Variants in CRMP1 observed in about 807,000 individuals in gnomAD.
CRMP1 encodes collapsin response mediator protein 1.
CRMP1 carries 19 observed loss-of-function variants against 68.3 expected under a neutral mutation model. The observed-to-expected ratio is 0.28, with a 90% CI of 0.19 to 0.41. The LOEUF is 0.41. CRMP1 is among the 10% of genes least tolerant of loss of function. The pLI is 1.00. For synonymous variants in CRMP1, 439 were observed against 399.6 expected (o/e 1.10, Z -1.18); for missense variants, 791 against 967.4 (o/e 0.82, Z 2.42).
Position 5,883,682 on chromosome 4 carries a change from G to A in CRMP1, c.381+8907C>T, listed in dbSNP as rs1432348300. Among the ~76,000 whole-genome samples, 1 of 89,828 alleles carries A rather than the reference G, an allele frequency of 1.1e-5. No homozygotes were observed. Among genetic ancestry groups the A allele is most frequent in the Admixed American group, 1.0e-4 (1 of 9,950 alleles). The allele number at this position is 89,828 out of a possible 152,430, so 58.9% of individuals were successfully genotyped here. A position where few individuals can be genotyped will look rare whatever the true frequency, so the allele number is the denominator to read the frequency against. ...CACACACACACACACACACACACAT[G>A]CTTGCCCACCACACCTGCTGGTTAG... On this transcript the variant is annotated intron_variant, in intron 1 of 13. Coordinates refer to ENST00000324989, the MANE Select transcript of CRMP1 (RefSeq NM_001014809.3). This position sits in a 1 kb window ranked among gnomAD's most constrained non-coding sequence, Gnocchi z 4.5.
rs1714517688 is a variant in CRMP1, at chr4:5,872,357, G to C, written c.382-5601C>G. Among the ~76,000 whole-genome samples the C allele has an allele frequency of 6.6e-6, 1 of 152,196 alleles. No individual in the cohort carries two copies. Among genetic ancestry groups the C allele is most frequent in the African/African-American group, 2.4e-5 (1 of 41,444 alleles). The stretch of plus-strand genomic sequence containing the variant: ...GGGTTACTGTGAGGGGAAAACAGCA[G>C]ATGTGAACAATGGTACGCTCTGCAC... On this transcript the variant is annotated intron_variant, in intron 1 of 13. Transcript: ENST00000324989. This position sits in a 1 kb window ranked among gnomAD's most constrained non-coding sequence, Gnocchi z 4.6.
At chr4:5,851,597 G>A (rs79617626) in intron 4 of CRMP1, 128 bp from the exon 5 acceptor site, 92,281 of 880,142 alleles carry the variant, frequency 0.1, 5,378 homozygotes, top group East Asian at 0.19. Flanking sequence ...GGGATCCCCA[G>A]TGGGGCACCT....
chr4:5,860,992 CTA>C lies in CRMP1; in HGVS notation c.655+32_655+33del, dbSNP rs1273704906. The C allele has an allele frequency of 1.1e-5, 18 of 1,605,578 alleles. No homozygotes were observed. The highest frequency in any genetic ancestry group is 1.4e-5 in the Non-Finnish European group (17 of 1,175,548). On this transcript the variant is annotated intron_variant, in intron 3 of 13. Coordinates refer to ENST00000324989, the MANE Select transcript of CRMP1 (RefSeq NM_001014809.3). The surrounding 1 kb of genome is among the most constrained non-coding windows in gnomAD (Gnocchi z 4.2). ...GGTGATGGGGAGGAGACCTCACAGT[CTA>C]TGTCCCTAAGGCAGGGGACAGTGTC... is the stretch of plus-strand genomic sequence containing the variant.
At chr4:5,874,825 T>C (rs1398301160) in intron 1 of CRMP1, among the ~76,000 whole-genome samples, 4 of 152,130 alleles carry the variant, frequency 2.6e-5, no homozygotes, top group Non-Finnish European at 5.9e-5. Flanking sequence ...AAATCTCTCT[T>C]TTCTGCTTTT....
At position 5,843,078 on chromosome 4, in the gene CRMP1, T is replaced by G; in HGVS notation, c.1032+15A>C. The G allele has an allele frequency of 6.2e-7, 1 of 1,613,172 alleles. No individual in the cohort carries two copies. The highest frequency in any genetic ancestry group is 8.5e-7 in the Non-Finnish European group (1 of 1,179,364). On this transcript the variant is annotated intron_variant, in intron 7 of 13. Coordinates refer to ENST00000324989, the MANE Select transcript of CRMP1 (RefSeq NM_001014809.3). This position sits in a 1 kb window ranked among gnomAD's most constrained non-coding sequence, Gnocchi z 4.1. ...GGTGAGTGTCAGAGTCATGCCCAAGTTGAGGAGTCCTTACCTCTTCAGGTC... is the reference window on the plus strand; with the variant it reads ...GGTGAGTGTCAGAGTCATGCCCAAGGTGAGGAGTCCTTACCTCTTCAGGTC...
At chr4:5,851,842 A>G (rs1421628491) in intron 4 of CRMP1, among the ~76,000 whole-genome samples, 1 of 146,768 alleles carries the variant, frequency 6.8e-6, no homozygotes, top group African/African-American at 2.5e-5. Context: ...GGAGAAGGGG[A>G]GGAGGAGGAG....
rs902496664 is a variant in CRMP1, at chr4:5,829,318, G to A, written c.1624-650C>T. Among the ~76,000 whole-genome samples the A allele has an allele frequency of 6.6e-5, 10 of 152,152 alleles. No individual in the cohort carries two copies. In the South Asian group the frequency reaches 1.9e-3, roughly 28 times the overall value. On this transcript the variant is annotated intron_variant, in intron 11 of 13. Coordinates refer to ENST00000324989, the MANE Select transcript of CRMP1 (RefSeq NM_001014809.3). ...GTATGAGAACTGCTTGAATCTGGGA[G>A]GTGGAGGTTGCAGTGAGCCGAGATC...
In CRMP1 at chr4:5,849,267, A is replaced by G. The variant is rs141183609; in HGVS notation, c.963+125T>C. On this transcript the variant is annotated intron_variant, in intron 6 of 13. Coordinates refer to ENST00000324989, the MANE Select transcript of CRMP1 (RefSeq NM_001014809.3). The stretch of plus-strand genomic sequence containing the variant: ...ATTCATATCTGATGTGTCTGATATG[A>G]CACCCAGTTCCTGGCTTGACCTTTC... The G allele has an allele frequency of 2.6e-4, 188 of 734,500 alleles. No homozygotes were observed. In the African/African-American group the frequency reaches 2.6e-3, roughly 10 times the overall value. The allele number at this position is 734,500 out of a possible 1,614,324, so 45.5% of individuals were successfully genotyped here.
Position 5,879,371 on chromosome 4 carries a change from A to G in CRMP1, c.382-12615T>C, listed in dbSNP as rs1476074828. Among the ~76,000 whole-genome samples, 3 of 152,262 alleles carry G rather than the reference A, an allele frequency of 2.0e-5. No individual in the cohort carries two copies. The highest frequency in any genetic ancestry group is 2.4e-5 in the African/African-American group (1 of 41,542). On this transcript the variant is annotated intron_variant, in intron 1 of 13. Coordinates refer to ENST00000324989, the MANE Select transcript of CRMP1 (RefSeq NM_001014809.3). The surrounding 1 kb of genome is among the most constrained non-coding windows in gnomAD (Gnocchi z 4.2). ...GGTCACTCCTTGGAGTTCCCACAAC[A>G]TGAGGCTTGCATCTCTGGTCCAGCA... is the stretch of plus-strand genomic sequence containing the variant.
intron 1 of CRMP1, among the ~76,000 whole-genome samples, chr4:5,867,068 G>A (rs557843517): frequency 3.7e-4 from 56 of 152,238 alleles, no homozygotes; most frequent in Admixed American, 2.7e-3. Flanking sequence ...CGTTTGCCCC[G>A]AGAAATGAGT....
intron 1 of CRMP1, among the ~76,000 whole-genome samples, chr4:5,871,950 G>A (rs1455335839): frequency 1.3e-5 from 2 of 152,158 alleles, no homozygotes; most frequent in African/African-American, 2.4e-5. Flanking sequence ...ATCCCACCTC[G>A]CAGGGAAATG....
At chr4:5,830,534 G>C (rs1234186863) in intron 11 of CRMP1, among the ~76,000 whole-genome samples, 2 of 152,182 alleles carry the variant, frequency 1.3e-5, no homozygotes, top group Admixed American at 6.5e-5. Context: ...ATAGTAAATA[G>C]TAGGGCAGAG....
Position 5,860,682 on chromosome 4 carries a change from ACTTTT to A in CRMP1, c.655+339_655+343del, listed in dbSNP as rs1560508141. On this transcript the variant is annotated intron_variant, in intron 3 of 13. Transcript: ENST00000324989. This position sits in a 1 kb window ranked among gnomAD's most constrained non-coding sequence, Gnocchi z 4.2. ...ATAATCCATGTCTTCTTTACTTAAT[ACTTTT>A]CTTTAAACAAATTTTGTTTCTAAAA... is the stretch of plus-strand genomic sequence containing the variant. Among the ~76,000 whole-genome samples, 3 of 150,968 alleles carry A rather than the reference ACTTTT, an allele frequency of 2.0e-5. No homozygotes were observed. The highest frequency in any genetic ancestry group is 1.5e-5 in the Non-Finnish European group (1 of 67,762).
Position 5,834,131 on chromosome 4 carries a change from A to G in CRMP1, c.1623+1784T>C, listed in dbSNP as rs1014611502. The stretch of plus-strand genomic sequence containing the variant: ...GTCCGCCGACCTTTGACTGGCTGAC[A>G]CAGACATTCACGTTCCTTTCTAGAT... On this transcript the variant is annotated intron_variant, in intron 11 of 13. Coordinates refer to ENST00000324989, the MANE Select transcript of CRMP1 (RefSeq NM_001014809.3). The surrounding 1 kb of genome is among the most constrained non-coding windows in gnomAD (Gnocchi z 4.3). Among the ~76,000 whole-genome samples the G allele has an allele frequency of 2.4e-4, 36 of 152,350 alleles. No homozygotes were observed. Among genetic ancestry groups the G allele is most frequent in the South Asian group, 6.2e-4 (3 of 4,832 alleles).
rs143304363 is a variant in CRMP1 at position 5,892,859 on chromosome 4, G to C, written c.111C>G (p.Ala37=). Residue 37 remains alanine, a synonymous_variant, in exon 1 of 14, where the codon GCC becomes GCG. Coordinates refer to ENST00000324989, the MANE Select transcript of CRMP1 (RefSeq NM_001014809.3). This position sits in a 1 kb window ranked among gnomAD's most constrained non-coding sequence, Gnocchi z 8.6. ...TPRQKYGGMF[A]AVEGAYENKT... ...TGTTCTCGTAGGCGCCCTCCACCGC[G>C]GCGAACATGCCGCCGTACTTCTGGC... The C allele has an allele frequency of 7.1e-7, 1 of 1,415,352 alleles. No homozygotes were observed. The highest frequency in any genetic ancestry group is 9.3e-7 in the Non-Finnish European group (1 of 1,073,522). 87.7% of individuals were successfully genotyped at this position (1,415,352 alleles called of 1,614,324 possible).
At position 5,854,235 on chromosome 4, in the gene CRMP1, C is replaced by G. The variant is rs116730772; in HGVS notation, c.820+1908G>C. On this transcript the variant is annotated intron_variant, in intron 4 of 13. Coordinates refer to ENST00000324989, the MANE Select transcript of CRMP1 (RefSeq NM_001014809.3). This position sits in a 1 kb window ranked among gnomAD's most constrained non-coding sequence, Gnocchi z 4.0. ...GTAGTTGCAGTGAATCACGCAGCAA[C>G]TGCAATACAAGGATAATGCCTTTTT... 0.026 allele frequency among the ~76,000 whole-genome samples: 3,948 copies of G among 152,182 alleles called. 88 individuals are homozygous for G. The highest frequency in any genetic ancestry group is 0.044 in the Middle Eastern group (13 of 294).
At chr4:5,840,997 C>G (rs1052052408) in intron 8 of CRMP1, among the ~76,000 whole-genome samples, 1 of 152,106 alleles carries the variant, frequency 6.6e-6, no homozygotes, top group Admixed American at 6.5e-5. Context: ...GAAGAGAGTA[C>G]AGAAAACATC....
At chr4:5,844,842 C>T (rs1302465572) in intron 6 of CRMP1, among the ~76,000 whole-genome samples, 1 of 152,220 alleles carries the variant, frequency 6.6e-6, no homozygotes, top group Non-Finnish European at 1.5e-5. Flanking sequence ...CCATTCCTCT[C>T]TTAGGTATAT....
At chr4:5,856,414 C>CATCATCATCACCATCACCACCATA in intron 3 of CRMP1, 107 bp from the exon 4 acceptor site, 1 of 1,003,562 alleles carries the variant, frequency 1.0e-6, no homozygotes, top group Non-Finnish European at 1.5e-6. Context: ...TCACCACCAT[C>CATCATCATCACCATCACCACCATA]ATCATCATCA....
Sources: gnomAD v4.1 joint callset for allele counts (sites outside exome capture counted in the v4.1 genomes callset) on GRCh38, gnomAD v4.1.1 for gene constraint, Gnocchi (gnomAD v3.1) non-coding constraint, MANE v1.5 for transcripts, NCBI Gene and HGNC (gene_info 2026-07-23, HGNC 2026-07-21) for gene names.